Variants in ZC3H11A observed in about 807,000 individuals in gnomAD.
ZC3H11A encodes zinc finger CCCH domain-containing protein 11A.
ZC3H11A carries 22 observed loss-of-function variants against 90.8 expected under a neutral mutation model. That is an observed-to-expected ratio of 0.24 (90% CI 0.17 to 0.35). The LOEUF (loss-of-function observed/expected upper bound fraction) is 0.35. Ranked by LOEUF, ZC3H11A falls within the 10% of genes least tolerant of loss-of-function variation. The pLI is 1.00. For synonymous variants in ZC3H11A, 294 were observed against 339.8 expected (o/e 0.87, Z 1.48); for missense variants, 701 against 964.9 (o/e 0.73, Z 3.62).
At chr1:203,800,475 CA>C in intron 1 of ZC3H11A, 1 of 1,466,028 alleles carries the variant, frequency 6.8e-7, no homozygotes, top group South Asian at 1.4e-5. Context: ...TCTTTTTCTC[CA>C]TTTAAAATGG....
At chr1:203,798,494 CAGT>C (rs1558087021) in intron 1 of ZC3H11A, 7 of 1,536,110 alleles carry the variant, frequency 4.6e-6, no homozygotes, top group South Asian at 1.2e-5. Flanking sequence ...CCAACAAAGA[CAGT>C]GGTGCTGTTG....
chr1:203,849,980 A>G lies in ZC3H11A; in HGVS notation c.1893A>G (p.Leu631=). The part of the protein sequence containing the change: ...EVETSGIGDS[L]LNVKCAAQTL... ...AAACCTCAGGGATTGGAGACTCATT[A>G]TTGAATGTGAAATGTGCAGCACAGA... Residue 631 remains leucine (L), a synonymous_variant, in exon 15 of 18, where the codon TTA becomes TTG. Coordinates refer to ENST00000367210, the MANE Select transcript of ZC3H11A (RefSeq NM_001376342.1). 6.2e-7 allele frequency: 1 copy of G among 1,614,054 alleles called. No homozygotes were observed. Among genetic ancestry groups the G allele is most frequent in the Non-Finnish European group, 8.5e-7 (1 of 1,180,014 alleles).
In ZC3H11A at chr1:203,801,879, C is replaced by CA. The variant is rs34084476; in HGVS notation, c.-1279dup. 0.11 allele frequency: 16,029 copies of CA among 151,692 alleles called. 1,127 individuals are homozygous for CA. The highest frequency in any genetic ancestry group is 0.15 in the Non-Finnish European group (9,893 of 67,852). The allele number at this position is 151,692 out of a possible 1,614,324, so 9.4% of individuals were successfully genotyped here. On this transcript the variant is annotated 5_prime_UTR_variant, in exon 2 of 18. It removes the in-frame stop codon of an upstream open reading frame in the 5' UTR. Transcript: ENST00000367210. ...CCATTGTGAAATGAAATCTCAACTC[C>CA]AAAAGTTTACCCTTTTACTAACTGG...
At chr1:203,814,835 A>C (rs1379933965) in intron 2 of ZC3H11A, 1 of 151,958 alleles carries the variant, frequency 6.6e-6, no homozygotes, top group Non-Finnish European at 1.5e-5. Context: ...TTTTTAAATC[A>C]TTTGTTTATT....
chr1:203,828,822 T>A (rs1289975091), intron 5 of ZC3H11A, among the ~76,000 whole-genome samples: 1 of 152,224 alleles, frequency 6.6e-6, no homozygotes, highest in African/African-American at 2.4e-5. Flanking sequence ...TGCTATAGAA[T>A]TGAGTAGTTG....
Position 203,838,002 on chromosome 1 carries a change from C to T in ZC3H11A, c.911C>T (p.Ala304Val), listed in dbSNP as rs1274490252. The change falls in exon 11 of 18, where the codon GCA becomes GTA. Residue 304 changes from alanine (A) to valine (V), a missense_variant. Ala to Val is a moderately conservative substitution (Grantham distance 64). Around this residue, in one of 4 missense-constraint regions of ZC3H11A, gnomAD observed 530 missense variants for 696.2 expected, o/e 0.76. Transcript: ENST00000367210. Reference sequence around the variant, plus strand: ...GATCCTCCATTAAAGCGTAGCCTGGCACAGAGGCTAGGGAAGAAAGTTGAA... The same window carrying T: ...GATCCTCCATTAAAGCGTAGCCTGGTACAGAGGCTAGGGAAGAAAGTTGAA... ...DSDPPLKRSL[A>V]QRLGKKVEAP... The T allele has an allele frequency of 1.2e-6, 2 of 1,614,014 alleles. No individual in the cohort carries two copies. Among genetic ancestry groups the T allele is most frequent in the Non-Finnish European group, 1.7e-6 (2 of 1,180,006 alleles).
chr1:203,838,482 C>T (rs1431671420), intron 11 of ZC3H11A, among the ~76,000 whole-genome samples: 1 of 152,200 alleles, frequency 6.6e-6, no homozygotes, highest in Non-Finnish European at 1.5e-5. Context: ...GAGACTGTGT[C>T]TCAGGCAGAG....
intron 8 of ZC3H11A, 54 bp from the exon 9 acceptor site, chr1:203,831,607 G>T (rs2275325): frequency 9.3e-6 from 14 of 1,505,538 alleles, no homozygotes; most frequent in Middle Eastern, 2.3e-4. Context: ...TTTTGACTTG[G>T]GATAGCATTA....
chr1:203,834,353 C>T (rs113351522), intron 10 of ZC3H11A, among the ~76,000 whole-genome samples: 23,168 of 152,158 alleles, frequency 0.15, 2,219 homozygotes, highest in Middle Eastern at 0.24. Context: ...CTCACTGCAA[C>T]CTCCACCTCC....
chr1:203,796,240 T>G (rs1668452239), intron 1 of ZC3H11A: 2 of 394,108 alleles, frequency 5.1e-6, no homozygotes, highest in Admixed American at 4.4e-5. Context: ...ACTGCCTAAA[T>G]CAATCAGACT....
intron 4 of ZC3H11A, among the ~76,000 whole-genome samples, chr1:203,820,192 G>A (rs1245334699): frequency 6.7e-6 from 1 of 150,250 alleles, no homozygotes; most frequent in Non-Finnish European, 1.5e-5. Flanking sequence ...CTGAGATTGC[G>A]CCACTCCATT....
At chr1:203,819,047 G>A (rs1191172548) in intron 4 of ZC3H11A, among the ~76,000 whole-genome samples, 16 of 147,340 alleles carry the variant, frequency 1.1e-4, no homozygotes, top group Admixed American at 1.1e-3. Flanking sequence ...CCAGCCTGGT[G>A]ACAGAGCAAC....
At chr1:203,846,666 G>A (rs1218164712) in intron 12 of ZC3H11A, among the ~76,000 whole-genome samples, 4 of 152,178 alleles carry the variant, frequency 2.6e-5, no homozygotes, top group African/African-American at 9.7e-5. Context: ...ATAGCCATAA[G>A]TTAATGAAGA....
At chr1:203,812,762 A>C (rs1217103996) in intron 2 of ZC3H11A, among the ~76,000 whole-genome samples, 2 of 151,670 alleles carry the variant, frequency 1.3e-5, no homozygotes, top group East Asian at 3.9e-4. Context: ...TTGTATTTTT[A>C]GTAGAGATGG....
At chr1:203,842,322 T>C (rs1211572289) in intron 12 of ZC3H11A, among the ~76,000 whole-genome samples, 1 of 152,134 alleles carries the variant, frequency 6.6e-6, no homozygotes, top group Admixed American at 6.5e-5. Context: ...GAGCACTGAG[T>C]GAGCGAGACT....
intron 17 of ZC3H11A, among the ~76,000 whole-genome samples, 172 bp downstream of exon 17, chr1:203,851,296 T>C (rs1035320350): frequency 6.6e-6 from 1 of 152,198 alleles, no homozygotes; most frequent in African/African-American, 2.4e-5. Context: ...TTTGGTGCCA[T>C]TGTTTACATT....
intron 2 of ZC3H11A, among the ~76,000 whole-genome samples, chr1:203,808,471 G>T (rs1296561580): frequency 1.3e-5 from 2 of 152,112 alleles, no homozygotes; most frequent in Non-Finnish European, 2.9e-5. Context: ...CCCCTTTAAT[G>T]TAAAGACTCA....
intron 1 of ZC3H11A, chr1:203,799,955 A>C: frequency 6.5e-7 from 1 of 1,536,132 alleles, no homozygotes. Flanking sequence ...AGATCTGCCA[A>C]ATTCCAACTT....
chr1:203,819,834 G>A (rs965893286), intron 4 of ZC3H11A, among the ~76,000 whole-genome samples: 23 of 150,890 alleles, frequency 1.5e-4, no homozygotes, highest in South Asian at 4.3e-4. Flanking sequence ...GCGCCCAGCC[G>A]ACTCCAGCAA....
Sources: gnomAD v4.1 joint callset for allele counts (sites outside exome capture counted in the v4.1 genomes callset) on GRCh38, gnomAD v4.1.1 for gene constraint, gnomAD v4.1.1 regional missense constraint, MANE v1.5 for transcripts, NCBI Gene and HGNC (gene_info 2026-07-23, HGNC 2026-07-21) for gene names.